Variants in PACRG observed in about 807,000 individuals in gnomAD.
PACRG encodes the protein parkin coregulated gene protein.
Under a neutral mutation model 29.7 loss-of-function variants are expected in PACRG, and 29 were observed. That is an observed-to-expected ratio of 0.98 (90% CI 0.73 to 1.33). PACRG has a LOEUF of 1.33. Ranked by LOEUF, PACRG falls within the 40% of genes most tolerant of loss-of-function variation. The pLI, the probability that PACRG is intolerant of heterozygous loss-of-function variation, is 0.00. For missense variants in PACRG, 279 were observed against 316.2 expected (o/e 0.88, Z 0.89); for synonymous variants, 116 against 118.7 (o/e 0.98, Z 0.15).
chr6:163,083,138 A>G (rs1813234831), intron 3 of PACRG, among the ~76,000 whole-genome samples: 1 of 152,224 alleles, frequency 6.6e-6, no homozygotes, highest in Non-Finnish European at 1.5e-5. Flanking sequence ...AAAATTACCA[A>G]TGAAGTTTGT....
intron 4 of PACRG, among the ~76,000 whole-genome samples, chr6:163,172,305 C>A (rs1393872447): frequency 6.6e-6 from 1 of 152,204 alleles, no homozygotes; most frequent in Non-Finnish European, 1.5e-5. Flanking sequence ...CTTAACTTCA[C>A]ACCTGATTCT....
chr6:163,043,363 C>T (rs1585072736), intron 2 of PACRG, among the ~76,000 whole-genome samples: 1 of 152,244 alleles, frequency 6.6e-6, no homozygotes, highest in South Asian at 2.1e-4. Context: ...TGAGACCAAC[C>T]TGGCCAACAT....
intron 2 of PACRG, among the ~76,000 whole-genome samples, chr6:163,052,245 G>A (rs942217446): frequency 3.3e-5 from 5 of 152,174 alleles, no homozygotes; most frequent in East Asian, 1.9e-4. Context: ...TTTTAGAAAC[G>A]TCACAATAAG....
intron 4 of PACRG, among the ~76,000 whole-genome samples, chr6:163,171,801 G>A (rs1036983441): frequency 1.3e-5 from 2 of 152,130 alleles, no homozygotes; most frequent in Non-Finnish European, 2.9e-5. Flanking sequence ...CCCATGGGTC[G>A]GGACCCTGGA....
At chr6:163,081,835 A>G (rs986488278) in intron 3 of PACRG, among the ~76,000 whole-genome samples, 2 of 152,166 alleles carry the variant, frequency 1.3e-5, no homozygotes, top group African/African-American at 2.4e-5. Context: ...AGGTATTAAA[A>G]TACATAAGAA....
At chr6:163,281,138 A>C (rs1784212354) in intron 4 of PACRG, among the ~76,000 whole-genome samples, 1 of 152,000 alleles carries the variant, frequency 6.6e-6, no homozygotes, top group Admixed American at 6.5e-5. Flanking sequence ...AAGGCACTAG[A>C]CTCTGGGCTG....
chr6:163,118,580 C>A (rs1265578340), intron 4 of PACRG, among the ~76,000 whole-genome samples: 1 of 152,216 alleles, frequency 6.6e-6, no homozygotes, highest in Non-Finnish European at 1.5e-5. Flanking sequence ...TTACCTATGT[C>A]ACTTGCTAAC....
At chr6:163,078,636 A>G (rs1199394069) in intron 3 of PACRG, among the ~76,000 whole-genome samples, 1 of 152,116 alleles carries the variant, frequency 6.6e-6, no homozygotes, top group African/African-American at 2.4e-5. Context: ...CATCATCATC[A>G]TCATTCTCTG....
At chr6:162,830,396 A>C (rs1223024823) in intron 2 of PACRG, among the ~76,000 whole-genome samples, 2 of 152,172 alleles carry the variant, frequency 1.3e-5, no homozygotes, top group Non-Finnish European at 2.9e-5. Flanking sequence ...TTTCCAAGAA[A>C]ACAAAACTCC....
chr6:162,946,966 G>A (rs1799056190), intron 2 of PACRG, among the ~76,000 whole-genome samples: 1 of 151,762 alleles, frequency 6.6e-6, no homozygotes. Context: ...AGGCATAGAA[G>A]GAACATACCT....
chr6:163,059,680 C>T (rs888026106), intron 2 of PACRG, among the ~76,000 whole-genome samples: 1 of 152,106 alleles, frequency 6.6e-6, no homozygotes, highest in African/African-American at 2.4e-5. Context: ...TAGCTGCAGA[C>T]CTTAGGCAAG....
intron 4 of PACRG, among the ~76,000 whole-genome samples, chr6:163,195,023 G>A (rs1780386739): frequency 6.6e-6 from 1 of 152,140 alleles, no homozygotes; most frequent in Admixed American, 6.5e-5. Context: ...CTCCCTCCTG[G>A]GACTGGTCCT....
At chr6:162,787,182 T>C (rs34443622) in intron 1 of PACRG, among the ~76,000 whole-genome samples, 12,661 of 152,146 alleles carry the variant, frequency 0.083, 664 homozygotes, top group Middle Eastern at 0.16. Context: ...TGAGAAGAGC[T>C]ACCAATTTTA....
intron 4 of PACRG, among the ~76,000 whole-genome samples, chr6:163,168,905 T>C (rs1186712912): frequency 2.0e-5 from 3 of 152,190 alleles, no homozygotes; most frequent in East Asian, 1.9e-4. Context: ...GTCTGAAAGT[T>C]TGAAAGTTAA....
rs1012151762 is a variant in PACRG, at chr6:163,055,113, C to T, written c.292-7037C>T. 1.1e-4 allele frequency among the ~76,000 whole-genome samples: 16 copies of T among 151,898 alleles called. No individual in the cohort carries two copies. The East Asian group carries it at 1.9e-3, about 18-fold the overall frequency. ...GTGAGGGAGTGGGTTAAAGAGGGAACGGGAATGAGGAAGCAAGGACAGTGA... is the reference window on the plus strand; with the variant it reads ...GTGAGGGAGTGGGTTAAAGAGGGAATGGGAATGAGGAAGCAAGGACAGTGA... On this transcript the variant is annotated intron_variant, in intron 2 of 4. Transcript: ENST00000366888. This position sits in a 1 kb window ranked among gnomAD's most constrained non-coding sequence, Gnocchi z 4.0.
chr6:163,237,733 C>T (rs1782310777), intron 4 of PACRG, among the ~76,000 whole-genome samples: 1 of 152,128 alleles, frequency 6.6e-6, no homozygotes, highest in Non-Finnish European at 1.5e-5. Flanking sequence ...CACTTTATAA[C>T]CTATTTTCTC....
intron 1 of PACRG, among the ~76,000 whole-genome samples, chr6:162,766,687 G>C (rs1279393987): frequency 6.6e-6 from 1 of 152,000 alleles, no homozygotes; most frequent in Non-Finnish European, 1.5e-5. Context: ...ATTTCTTCTT[G>C]AGTCAGTTTT....
chr6:163,108,578 A>G (rs1252539007), intron 4 of PACRG, among the ~76,000 whole-genome samples: 2 of 150,500 alleles, frequency 1.3e-5, no homozygotes. Context: ...TTGTCTTTTT[A>G]GTAGACACAG....
chr6:162,801,341 T>G (rs910553001), intron 1 of PACRG, among the ~76,000 whole-genome samples: 1 of 151,930 alleles, frequency 6.6e-6, no homozygotes, highest in Non-Finnish European at 1.5e-5. Flanking sequence ...ACTCCTGACC[T>G]CAGGTGATCC....
Sources: gnomAD v4.1 joint callset for allele counts (sites outside exome capture counted in the v4.1 genomes callset) on GRCh38, gnomAD v4.1.1 for gene constraint, Gnocchi (gnomAD v3.1) non-coding constraint, MANE v1.5 for transcripts, NCBI Gene and HGNC (gene_info 2026-07-23, HGNC 2026-07-21) for gene names.